The following VPS53 variants were observed in gnomAD, a reference collection of about 807,000 sequenced individuals.
VPS53 encodes vacuolar protein sorting-associated protein 53 homolog.
A neutral mutation model predicts 107.0 loss-of-function variants in VPS53; 70 were observed. The observed-to-expected ratio is 0.65, with a 90% CI of 0.54 to 0.80. VPS53 has a LOEUF of 0.80. Among genes scored for constraint, VPS53 ranks in the 30% least tolerant of loss-of-function variants. VPS53 has a pLI of 0.00. For synonymous variants in VPS53, 409 were observed against 393.3 expected (o/e 1.04, Z -0.47); for missense variants, 917 against 1,049.4 (o/e 0.87, Z 1.74).
At chr17:664,426 G>A (rs1055934627) in intron 4 of VPS53, among the ~76,000 whole-genome samples, 5 of 152,144 alleles carry the variant, frequency 3.3e-5, no homozygotes, top group Admixed American at 1.3e-4. Flanking sequence ...TGAAGATCCT[G>A]ACAGAGAAAA....
At chr17:609,956 T>A (rs373236114) in intron 11 of VPS53, among the ~76,000 whole-genome samples, 1 of 151,570 alleles carries the variant, frequency 6.6e-6, no homozygotes, top group African/African-American at 2.4e-5. Context: ...GGTGAAACCG[T>A]CTCTACTAAA....
At chr17:628,036 T>C (rs1225732408) in intron 9 of VPS53, 52 bp downstream of exon 9, 3 of 1,561,434 alleles carry the variant, frequency 1.9e-6, no homozygotes, top group East Asian at 2.3e-5. Context: ...ACAGCACTCA[T>C]GTTTCAATAA....
chr17:531,041 C>T (rs905593700), intron 19 of VPS53, among the ~76,000 whole-genome samples: 1 of 152,244 alleles, frequency 6.6e-6, no homozygotes, highest in African/African-American at 2.4e-5. Context: ...GGCAGCTGCT[C>T]CACTACTGGA....
chr17:662,910 G>T (rs1261088069), intron 4 of VPS53, among the ~76,000 whole-genome samples: 1 of 151,264 alleles, frequency 6.6e-6, no homozygotes, highest in African/African-American at 2.4e-5. Context: ...AGGCAGGCAG[G>T]CAGGCAGGCA....
chr17:551,976 T>C, intron 16 of VPS53, 26 bp from the exon 17 acceptor site: 1 of 1,558,564 alleles, frequency 6.4e-7, no homozygotes, highest in Non-Finnish European at 8.7e-7. Context: ...ATCACTGTGG[T>C]CACCCTTTCA....
In VPS53 at chr17:592,115, G is replaced by A. The variant is rs539931924; in HGVS notation, c.1219-5751C>T. ...TATATATTTAGGATAGTTAGCTCTT[G>A]TTGAATTGATCCCTTTACCATTAAG... On this transcript the variant is annotated intron_variant, in intron 12 of 21. Coordinates refer to ENST00000437048, the MANE Select transcript of VPS53 (RefSeq NM_001128159.3). 2.6e-5 allele frequency among the ~76,000 whole-genome samples: 4 copies of A among 152,192 alleles called. No homozygotes were observed. The East Asian group carries it at 7.7e-4, about 29-fold the overall frequency.
chr17:599,128 G>C (rs1968183919), intron 12 of VPS53, among the ~76,000 whole-genome samples: 1 of 127,032 alleles, frequency 7.9e-6, no homozygotes, highest in South Asian at 2.7e-4. Context: ...GGAGGGAGGT[G>C]GGGGGGTCAG....
intron 17 of VPS53, among the ~76,000 whole-genome samples, chr17:543,222 G>T (rs1425288726): frequency 1.3e-5 from 2 of 152,102 alleles, no homozygotes; most frequent in East Asian, 3.9e-4. Flanking sequence ...TTTCTTAGCT[G>T]TGGCTTTCCA....
At chr17:665,936 G>A (rs561730596) in intron 4 of VPS53, among the ~76,000 whole-genome samples, 59 of 152,126 alleles carry the variant, frequency 3.9e-4, no homozygotes, top group African/African-American at 1.2e-3. Flanking sequence ...CCCAGGAGGC[G>A]GAGGTTGCAG....
chr17:583,002 C>T (rs1178919002), intron 13 of VPS53, among the ~76,000 whole-genome samples: 1 of 149,832 alleles, frequency 6.7e-6, no homozygotes, highest in African/African-American at 2.5e-5. Flanking sequence ...CTAAAGTGTT[C>T]CCAGAGAACC....
intron 7 of VPS53, among the ~76,000 whole-genome samples, chr17:633,284 C>T (rs183559153): frequency 1.3e-5 from 2 of 152,322 alleles, no homozygotes; most frequent in East Asian, 3.9e-4. Context: ...GGCCACCGTG[C>T]ACCGGCCAGC....
intron 4 of VPS53, among the ~76,000 whole-genome samples, chr17:696,283 A>G (rs1261155702): frequency 6.6e-6 from 1 of 152,228 alleles, no homozygotes; most frequent in Non-Finnish European, 1.5e-5. Context: ...AAAACTACAG[A>G]TGTAAAAGAA....
chr17:519,136 T>C lies in VPS53; in HGVS notation c.2491A>G (p.Arg831Gly). 6.6e-7 allele frequency: 1 copy of C among 1,519,084 alleles called. No individual in the cohort carries two copies. Among genetic ancestry groups the C allele is most frequent in the Non-Finnish European group, 8.8e-7 (1 of 1,132,010 alleles). The allele number at this position is 1,519,084 out of a possible 1,614,324, so 94.1% of individuals were successfully genotyped here. ...AGGGCCCCTTGCTGCTGCTACAGTC[T>C]CTTTTTAATGAGTTTCTCGAGCTTG... is the stretch of plus-strand genomic sequence containing the variant. The part of the protein sequence containing the change: ...IRKLEKLIKK[R>G]L Residue 831 changes from arginine (R) to glycine (G), a missense_variant, in exon 22 of 22, where the codon AGA becomes GGA. Coordinates refer to ENST00000437048, the MANE Select transcript of VPS53 (RefSeq NM_001128159.3). The surrounding 1 kb of genome is among the most constrained non-coding windows in gnomAD (Gnocchi z 5.0).
chr17:571,505 CTACAG>C (rs776132058), intron 13 of VPS53, among the ~76,000 whole-genome samples: 52,055 of 134,218 alleles, frequency 0.39, 8,820 homozygotes, highest in African/African-American at 0.51. Context: ...CTCCCTCTCC[CTACAG>C]TCTCCCTCTC....
chr17:579,098 G>T (rs1448303855), intron 13 of VPS53, among the ~76,000 whole-genome samples: 1 of 124,930 alleles, frequency 8.0e-6, no homozygotes, highest in Non-Finnish European at 1.7e-5. Flanking sequence ...CCTTCCTCAG[G>T]ACCTAATGCG....
chr17:637,152 G>A (rs1241289899), intron 7 of VPS53, among the ~76,000 whole-genome samples: 1 of 152,184 alleles, frequency 6.6e-6, no homozygotes, highest in Non-Finnish European at 1.5e-5. Flanking sequence ...TTGGGAGGGT[G>A]TATGTGTCCA....
intron 4 of VPS53, among the ~76,000 whole-genome samples, chr17:662,862 G>A (rs145966259): frequency 0.04 from 3,891 of 97,354 alleles, 299 homozygotes; most frequent in Middle Eastern, 0.093. Flanking sequence ...AGGAAGGAAG[G>A]AAGGAAGGAA....
chr17:643,592 T>G (rs1312693224), intron 7 of VPS53, among the ~76,000 whole-genome samples: 2 of 141,746 alleles, frequency 1.4e-5, no homozygotes, highest in South Asian at 2.3e-4. Context: ...CACTCATACT[T>G]GGCAACCGAG....
intron 13 of VPS53, among the ~76,000 whole-genome samples, chr17:583,718 A>G (rs1004067371): frequency 2.0e-5 from 3 of 151,640 alleles, no homozygotes; most frequent in Non-Finnish European, 4.4e-5. Context: ...ATGCGTTCCC[A>G]GAGAATCTCC....
Sources: allele counts gnomAD v4.1 joint callset (sites outside exome capture counted in the v4.1 genomes callset), GRCh38; gene constraint gnomAD v4.1.1; non-coding constraint Gnocchi (gnomAD v3.1); transcripts MANE v1.5; gene names NCBI Gene and HGNC (gene_info 2026-07-23, HGNC 2026-07-21).